PHF24: variants seen among roughly 807,000 people sequenced by gnomAD.
The protein encoded by PHF24 is Galpha inhibitory interacting protein.
A neutral mutation model predicts 42.6 loss-of-function variants in PHF24; 25 were observed. That is an observed-to-expected ratio of 0.59 (90% CI 0.43 to 0.82). The LOEUF (loss-of-function observed/expected upper bound fraction) is 0.82, where lower values mean the gene tolerates loss of function less well. PHF24 is among the 40% of genes least tolerant of loss of function. The probability of loss-of-function intolerance (pLI) is 0.00; values close to 1 mark genes in which losing one functional copy is unlikely to be tolerated. For missense variants in PHF24, 470 were observed against 538.1 expected, an observed-to-expected ratio of 0.87 and a Z score of 1.25; for synonymous variants, 185 against 204.8, an observed-to-expected ratio of 0.90 and a Z score of 0.83.
the PHF24 span, among the ~76,000 whole-genome samples, chr9:34,930,536 G>A: frequency 6.6e-6 from 1 of 152,172 alleles, no homozygotes; most frequent in Non-Finnish European, 1.5e-5. Context: ...GAAAGGGCTG[G>A]AAGGAAGCGA....
At chr9:34,971,525 G>T (rs768674352) in exon 2 of PHF24, 9 of 1,614,220 alleles carry the variant, frequency 5.6e-6, no homozygotes, top group Non-Finnish European at 7.6e-6. Flanking sequence ...AGTGCCGGCC[G>T]CGCAGCCTGG....
At chr9:34,767,649 G>C in the PHF24 span, among the ~76,000 whole-genome samples, 1 of 152,240 alleles carries the variant, frequency 6.6e-6, no homozygotes, top group Non-Finnish European at 1.5e-5. Flanking sequence ...CTGACCCCTT[G>C]CGCTTCCGGA....
At chr9:34,970,756 G>A (rs1186151888) in intron 1 of PHF24, among the ~76,000 whole-genome samples, 1 of 152,208 alleles carries the variant, frequency 6.6e-6, no homozygotes, top group Non-Finnish European at 1.5e-5. Context: ...TAGCAGAGGT[G>A]TAGGACCCCT....
the PHF24 span, among the ~76,000 whole-genome samples, chr9:34,930,029 TATAATC>T: frequency 1.3e-5 from 2 of 152,248 alleles, no homozygotes; most frequent in Non-Finnish European, 2.9e-5. Flanking sequence ...TTTCTGCTGT[TATAATC>T]ATAAAGAATA....
the PHF24 span, among the ~76,000 whole-genome samples, chr9:34,680,337 T>C: frequency 4.0e-5 from 6 of 151,552 alleles, no homozygotes; most frequent in Non-Finnish European, 1.5e-5. Context: ...ATCGCACCAC[T>C]GCACTCCAGC....
chr9:34,838,298 G>T, the PHF24 span: 1 of 716,286 alleles, frequency 1.4e-6, no homozygotes, highest in South Asian at 1.5e-5. Context: ...GAGCTTAAAA[G>T]CATATTATCT....
chr9:34,861,588 T>C, the PHF24 span, among the ~76,000 whole-genome samples: 1 of 152,138 alleles, frequency 6.6e-6, no homozygotes, highest in Non-Finnish European at 1.5e-5. Flanking sequence ...ACTGATCAAG[T>C]TGGGGATAAT....
At chr9:34,681,552 T>C in the PHF24 span, among the ~76,000 whole-genome samples, 1 of 152,424 alleles carries the variant, frequency 6.6e-6, no homozygotes, top group East Asian at 1.9e-4. Context: ...GGCTCACACC[T>C]GTAATCCCAG....
chr9:34,784,468 T>C, the PHF24 span, among the ~76,000 whole-genome samples: 2 of 152,252 alleles, frequency 1.3e-5, no homozygotes, highest in African/African-American at 4.8e-5. Context: ...ATTTGAATTA[T>C]GTTCAGCCTC....
the PHF24 span, among the ~76,000 whole-genome samples, chr9:34,926,163 G>T: frequency 2.0e-5 from 3 of 152,232 alleles, no homozygotes; most frequent in Non-Finnish European, 4.4e-5. The surrounding 1 kb of genome is among the most constrained non-coding windows in gnomAD (Gnocchi z 4.3). Flanking sequence ...TGTTTCTCAG[G>T]TCAGAGGCAT....
the PHF24 span, among the ~76,000 whole-genome samples, chr9:34,938,916 G>T: frequency 8.2e-6 from 1 of 121,778 alleles, no homozygotes; most frequent in Non-Finnish European, 1.6e-5. Flanking sequence ...CAGCCTGGGC[G>T]ACAGAGCGAG....
At chr9:34,688,796 A>G in the PHF24 span, among the ~76,000 whole-genome samples, 3 of 152,172 alleles carry the variant, frequency 2.0e-5, no homozygotes, top group African/African-American at 7.2e-5. Context: ...TCACATATTT[A>G]TTCATTCTCT....
At chr9:34,746,968 A>G in the PHF24 span, among the ~76,000 whole-genome samples, 1 of 152,254 alleles carries the variant, frequency 6.6e-6, no homozygotes, top group African/African-American at 2.4e-5. Context: ...AGCACTAATC[A>G]TAAAGAAAGA....
At chr9:34,680,631 T>A in the PHF24 span, among the ~76,000 whole-genome samples, 1 of 144,240 alleles carries the variant, frequency 6.9e-6, no homozygotes, top group African/African-American at 2.5e-5. Context: ...GAGCTTGCAG[T>A]GAGCCGAGAT....
At chr9:34,703,935 C>G in the PHF24 span, among the ~76,000 whole-genome samples, 1 of 152,188 alleles carries the variant, frequency 6.6e-6, no homozygotes, top group East Asian at 1.9e-4. Flanking sequence ...TCACTGCAGC[C>G]TCGAACTCCT....
At chr9:34,876,177 A>G in the PHF24 span, among the ~76,000 whole-genome samples, 2 of 152,110 alleles carry the variant, frequency 1.3e-5, no homozygotes, top group African/African-American at 4.8e-5. Flanking sequence ...TTGAAAACCT[A>G]TATCCACACA....
chr9:34,682,839 C>T, the PHF24 span, among the ~76,000 whole-genome samples: 1 of 152,006 alleles, frequency 6.6e-6, no homozygotes, highest in African/African-American at 2.4e-5. Context: ...GTGGTGGTAG[C>T]CGTGGTGGTG....
the PHF24 span, among the ~76,000 whole-genome samples, chr9:34,841,927 C>A: frequency 6.6e-6 from 1 of 152,224 alleles, no homozygotes; most frequent in African/African-American, 2.4e-5. Context: ...ACCATTATCA[C>A]AGTCAAGATT....
the PHF24 span, chr9:34,895,484 T>G: frequency 2.5e-6 from 1 of 398,012 alleles, no homozygotes; most frequent in Non-Finnish European, 4.4e-6. Context: ...GGAGACCCCT[T>G]TAAAAAGCAA....
Sources: gnomAD v4.1 joint callset for allele counts (sites outside exome capture counted in the v4.1 genomes callset) on GRCh38, gnomAD v4.1.1 for gene constraint, Gnocchi (gnomAD v3.1) non-coding constraint, MANE v1.5 for transcripts, NCBI Gene and HGNC (gene_info 2026-07-23, HGNC 2026-07-21) for gene names.